The following SPOPL variants were observed in gnomAD, a reference collection of about 807,000 sequenced individuals.
SPOPL encodes speckle type BTB/POZ protein like, also known as speckle-type POZ protein-like.
SPOPL carries 23 observed loss-of-function variants against 53.8 expected under a neutral mutation model. That is an observed-to-expected ratio of 0.43 (90% CI 0.31 to 0.61). The LOEUF (loss-of-function observed/expected upper bound fraction) is 0.61, where lower values mean the gene tolerates loss of function less well. Among genes scored for constraint, SPOPL ranks in the 20% least tolerant of loss-of-function variants. The probability of loss-of-function intolerance (pLI) is 0.12; values close to 1 mark genes in which losing one functional copy is unlikely to be tolerated. For missense variants in SPOPL, 442 were observed against 466.9 expected (o/e 0.95, Z 0.49); for synonymous variants, 164 against 149.7 (o/e 1.10, Z -0.70).
chr2:138,551,816 A>G (rs563035988), intron 4 of SPOPL, among the ~76,000 whole-genome samples: 124 of 152,156 alleles, frequency 8.1e-4, no homozygotes, highest in African/African-American at 2.9e-3. Flanking sequence ...TATTCTTTGT[A>G]TAATAGATAA....
rs1392935696 is a variant in SPOPL at position 138,571,637 on chromosome 2, T to C, written c.*2557T>C. ...GACATGAGTGCTCTAATAGCCTCCT[T>C]CTCCTCATTTTTAAACTGCATACAT... On this transcript the variant is annotated 3_prime_UTR_variant, in exon 11 of 11. Coordinates refer to ENST00000280098, the MANE Select transcript of SPOPL (RefSeq NM_001001664.3). 1 of 152,548 alleles carries C rather than the reference T, an allele frequency of 6.6e-6. No individual in the cohort carries two copies. The highest frequency in any genetic ancestry group is 1.9e-4 in the East Asian group (1 of 5,198). The allele number at this position is 152,548 out of a possible 1,614,324, so 9.4% of individuals were successfully genotyped here. A position where few individuals can be genotyped will look rare whatever the true frequency, so the allele number is the denominator to read the frequency against.
At chr2:138,506,101 T>TA (rs1465039079) in intron 1 of SPOPL, among the ~76,000 whole-genome samples, 2 of 152,170 alleles carry the variant, frequency 1.3e-5, no homozygotes, top group Admixed American at 1.3e-4. Context: ...AACAGCTGAA[T>TA]AAGTTACCCA....
intron 10 of SPOPL, among the ~76,000 whole-genome samples, chr2:138,567,387 G>GTGTGTGTGTA (rs1685685484): frequency 1.0e-5 from 1 of 98,784 alleles, no homozygotes; most frequent in Non-Finnish European, 2.0e-5. Flanking sequence ...GTGTGTGTGT[G>GTGTGTGTGTA]TGTGTGTGTG....
rs1685772667 is a variant in SPOPL, at chr2:138,571,185, A to C, written c.*2105A>C. 6.6e-6 allele frequency: 1 copy of C among 152,264 alleles called. No individual in the cohort carries two copies. The highest frequency in any genetic ancestry group is 2.1e-4 in the South Asian group (1 of 4,834). The allele number at this position is 152,264 out of a possible 1,614,324, so 9.4% of individuals were successfully genotyped here. A position where few individuals can be genotyped will look rare whatever the true frequency, so the allele number is the denominator to read the frequency against. On this transcript the variant is annotated 3_prime_UTR_variant, in exon 11 of 11. Coordinates refer to ENST00000280098, the MANE Select transcript of SPOPL (RefSeq NM_001001664.3). ...AAGAAAACAAAAATTCCCTCAGGCT[A>C]TAGAATTATGTTGTCATATATCAGA... is the stretch of plus-strand genomic sequence containing the variant.
intron 1 of SPOPL, among the ~76,000 whole-genome samples, chr2:138,536,487 C>T (rs1684939602): frequency 6.6e-6 from 1 of 152,158 alleles, no homozygotes; most frequent in South Asian, 2.1e-4. Flanking sequence ...CTGTTAAGGT[C>T]CATTAATCTA....
At chr2:138,509,356 G>A (rs1684280237) in intron 1 of SPOPL, among the ~76,000 whole-genome samples, 1 of 152,078 alleles carries the variant, frequency 6.6e-6, no homozygotes, top group African/African-American at 2.4e-5. Context: ...CTGCAGAACT[G>A]AAGATTGATA....
intron 1 of SPOPL, among the ~76,000 whole-genome samples, chr2:138,537,660 C>T (rs1203380304): frequency 6.6e-6 from 1 of 152,158 alleles, no homozygotes; most frequent in African/African-American, 2.4e-5. Context: ...CACAGGAGGA[C>T]ATTGACTGGA....
intron 1 of SPOPL, among the ~76,000 whole-genome samples, chr2:138,528,543 AAG>A (rs1289767383): frequency 7.9e-5 from 12 of 152,188 alleles, no homozygotes; most frequent in Admixed American, 7.2e-4. Context: ...TGGGAAATAA[AAG>A]AGATTGATAA....
intron 8 of SPOPL, among the ~76,000 whole-genome samples, chr2:138,563,110 T>C (rs1430667601): frequency 6.6e-6 from 1 of 152,204 alleles, no homozygotes; most frequent in Non-Finnish European, 1.5e-5. Context: ...AACTCAGTTA[T>C]AAGAAAACAA....
At chr2:138,506,505 T>G (rs1684218492) in intron 1 of SPOPL, among the ~76,000 whole-genome samples, 1 of 152,164 alleles carries the variant, frequency 6.6e-6, no homozygotes, top group Non-Finnish European at 1.5e-5. Flanking sequence ...CTAGCCTGAT[T>G]TGACAAATAA....
intron 7 of SPOPL, 43 bp downstream of exon 7, chr2:138,559,380 A>C: frequency 6.5e-7 from 1 of 1,549,704 alleles, no homozygotes; most frequent in Non-Finnish European, 8.8e-7. Context: ...ATATAAACGT[A>C]AAGTAGTTGG....
chr2:138,558,694 A>G (rs1414530469), intron 5 of SPOPL, among the ~76,000 whole-genome samples: 1 of 152,102 alleles, frequency 6.6e-6, no homozygotes, highest in African/African-American at 2.4e-5. Flanking sequence ...CCACCTCACA[A>G]AGATGTACTT....
intron 1 of SPOPL, among the ~76,000 whole-genome samples, chr2:138,527,883 G>T (rs995434865): frequency 1.3e-5 from 2 of 152,182 alleles, no homozygotes; most frequent in African/African-American, 4.8e-5. Flanking sequence ...AGTGGGCAAG[G>T]TGTCTCAACG....
rs145807585 is a variant in SPOPL at position 138,561,620 on chromosome 2, A to G, written c.837+693A>G. On this transcript the variant is annotated intron_variant, in intron 8 of 10. Transcript: ENST00000280098. The stretch of plus-strand genomic sequence containing the variant: ...TGGACCAAGTGTGTATATGGAATCT[A>G]TTTTTTCTGACAACTGCACATGAAT... 3.9e-5 allele frequency among the ~76,000 whole-genome samples: 6 copies of G among 152,282 alleles called. No individual in the cohort carries two copies. In the East Asian group the frequency reaches 9.6e-4, roughly 24 times the overall value.
intron 1 of SPOPL, among the ~76,000 whole-genome samples, chr2:138,543,243 G>A (rs946171089): frequency 6.6e-6 from 1 of 152,080 alleles, no homozygotes; most frequent in African/African-American, 2.4e-5. Flanking sequence ...GAGTATCTTT[G>A]TGGCATTCTC....
intron 5 of SPOPL, among the ~76,000 whole-genome samples, chr2:138,555,602 A>G (rs758867507): frequency 3.9e-5 from 6 of 152,224 alleles, no homozygotes; most frequent in Non-Finnish European, 7.3e-5. Context: ...GTTGATTAAA[A>G]TGGCAAAATT....
intron 1 of SPOPL, among the ~76,000 whole-genome samples, chr2:138,526,537 TG>T (rs1268854620): frequency 6.6e-6 from 1 of 152,138 alleles, no homozygotes; most frequent in East Asian, 1.9e-4. Context: ...AATATAGTGA[TG>T]TATATATTTT....
Position 138,569,132 on chromosome 2 carries a change from C to G in SPOPL, c.*52C>G, listed in dbSNP as rs1405014396. 6.3e-7 allele frequency: 1 copy of G among 1,581,848 alleles called. No individual in the cohort carries two copies. Among genetic ancestry groups the G allele is most frequent in the Admixed American group, 1.7e-5 (1 of 57,932 alleles). On this transcript the variant is annotated 3_prime_UTR_variant, in exon 11 of 11. Transcript: ENST00000280098. ...GAATTGACTTTCACTCCTCCAGGTCCAGAAGGATTCTAATACACAAACCAT... is the reference window on the plus strand; with the variant it reads ...GAATTGACTTTCACTCCTCCAGGTCGAGAAGGATTCTAATACACAAACCAT...
At chr2:138,548,712 A>G (rs1685250125) in intron 1 of SPOPL, among the ~76,000 whole-genome samples, 1 of 151,984 alleles carries the variant, frequency 6.6e-6, no homozygotes, top group African/African-American at 2.4e-5. Flanking sequence ...TACATTTCAG[A>G]TAGTTTTCTT....
Sources: gnomAD v4.1 joint callset for allele counts (sites outside exome capture counted in the v4.1 genomes callset) on GRCh38, gnomAD v4.1.1 for gene constraint, MANE v1.5 for transcripts, NCBI Gene and HGNC (gene_info 2026-07-23, HGNC 2026-07-21) for gene names.